MARS1: variants seen among roughly 807,000 people sequenced by gnomAD.
MARS1 encodes methionine--tRNA ligase, cytoplasmic.
A neutral mutation model predicts 119.5 loss-of-function variants in MARS1; 80 were observed. That is an observed-to-expected ratio of 0.67 (90% CI 0.56 to 0.81). The LOEUF is 0.81. MARS1 is among the 30% of genes least tolerant of loss of function. The pLI is 0.00. For missense variants in MARS1, 945 were observed against 1,116.5 expected (o/e 0.85, Z 2.19); for synonymous variants, 418 against 433.4 (o/e 0.96, Z 0.44).
At chr12:57,489,584 T>G in intron 4 of MARS1, 26 bp downstream of exon 4, 1 of 1,613,764 alleles carries the variant, frequency 6.2e-7, no homozygotes, top group Non-Finnish European at 8.5e-7. Flanking sequence ...AGATGAGGAC[T>G]GGGGAAGGCT....
chr12:57,504,735 C>T (rs1001815426), intron 11 of MARS1, among the ~76,000 whole-genome samples: 3 of 132,246 alleles, frequency 2.3e-5, no homozygotes, highest in African/African-American at 8.5e-5. Flanking sequence ...CAGAGTTTCG[C>T]TCTTGTCGCC....
chr12:57,512,138 G>C, intron 13 of MARS1, 35 bp downstream of exon 13: 1 of 1,606,814 alleles, frequency 6.2e-7, no homozygotes, highest in Non-Finnish European at 8.5e-7. Context: ...GCATGGGGAG[G>C]GTAGGCGGTA....
At chr12:57,494,007 G>C (rs1430379383) in intron 7 of MARS1, among the ~76,000 whole-genome samples, 1 of 131,544 alleles carries the variant, frequency 7.6e-6, no homozygotes, top group Admixed American at 9.0e-5. Flanking sequence ...CCAGTCTGGA[G>C]TGCAGTGGCG....
In MARS1 at chr12:57,512,765, G is replaced by A. The variant is rs546532280; in HGVS notation, c.1768G>A (p.Glu590Lys). 6.2e-7 allele frequency: 1 copy of A among 1,614,070 alleles called. No homozygotes were observed. The change falls in exon 15 of 21, where the codon GAG becomes AAG. Residue 590 changes from glutamate (E) to lysine (K), a missense_variant. Physicochemically the swap from Glu to Lys is moderately conservative, Grantham distance 56. Transcript: ENST00000262027. The stretch of plus-strand genomic sequence containing the variant: ...CCTCTGTCCAGAGTACCTGAACTAT[G>A]AGGATGGGAAATTCTCTAAGAGCCG... The part of the protein sequence containing the change: ...HLIATEYLNY[E>K]DGKFSKSRGV...
chr12:57,489,586 G>A (rs1329078795), intron 4 of MARS1, 28 bp downstream of exon 4: 2 of 1,613,572 alleles, frequency 1.2e-6, no homozygotes, highest in Non-Finnish European at 1.7e-6. Context: ...ATGAGGACTG[G>A]GGAAGGCTTA....
intron 7 of MARS1, among the ~76,000 whole-genome samples, chr12:57,491,254 C>G (rs1170704907): frequency 6.6e-6 from 1 of 152,098 alleles, no homozygotes; most frequent in African/African-American, 2.4e-5. Flanking sequence ...ATTCTGAACT[C>G]CAGACACATT....
At chr12:57,509,571 TA>T (rs1382202146) in intron 11 of MARS1, among the ~76,000 whole-genome samples, 1 of 152,128 alleles carries the variant, frequency 6.6e-6, no homozygotes, top group African/African-American at 2.4e-5. Flanking sequence ...CACACCCAGC[TA>T]ATTTTTTTTG....
intron 9 of MARS1, among the ~76,000 whole-genome samples, chr12:57,499,735 C>T (rs1876830047): frequency 6.6e-6 from 1 of 151,660 alleles, no homozygotes; most frequent in Non-Finnish European, 1.5e-5. Flanking sequence ...CCCATCTCTA[C>T]TAAGAATACA....
At chr12:57,491,627 G>C (rs1183297253) in intron 7 of MARS1, among the ~76,000 whole-genome samples, 1 of 152,118 alleles carries the variant, frequency 6.6e-6, no homozygotes, top group Admixed American at 6.5e-5. Context: ...CAGAGTGACT[G>C]CTTAAAACTG....
rs771606466 is a variant in MARS1 at position 57,516,431 on chromosome 12, T to C, written c.2557-4T>C. On this transcript the variant is annotated splice_region_variant and splice_polypyrimidine_tract_variant and intron_variant, in intron 20 of 20. Coordinates refer to ENST00000262027, the MANE Select transcript of MARS1 (RefSeq NM_004990.4). ...TGTTACCTCCCCACCCCCCTTTATC[T>C]TAGGGAAACATTGTCCGAGAACTGA... The C allele has an allele frequency of 3.7e-6, 6 of 1,612,900 alleles. No homozygotes were observed. The Admixed American group carries it at 5.0e-5, about 13-fold the overall frequency.
chr12:57,510,421 T>C (rs993772482), intron 11 of MARS1, among the ~76,000 whole-genome samples: 2 of 150,936 alleles, frequency 1.3e-5, no homozygotes, highest in African/African-American at 4.9e-5. Flanking sequence ...TGCAGTGAGC[T>C]GAGATCGTGC....
At position 57,489,271 on chromosome 12, in the gene MARS1, T is replaced by A. The variant is rs116975692; in HGVS notation, c.205T>A (p.Phe69Ile). The A allele has an allele frequency of 6.2e-7, 1 of 1,613,086 alleles. No homozygotes were observed. The highest frequency in any genetic ancestry group is 2.2e-5 in the East Asian group (1 of 44,886). Residue 69 changes from phenylalanine to isoleucine, a missense_variant, in exon 3 of 21, where the codon TTT (phenylalanine) becomes ATT (isoleucine). Physicochemically the swap from Phe to Ile is conservative, Grantham distance 21. Transcript: ENST00000262027. ...TGTTGCTCTCTCTCTGGGCAGATAT[T>A]TTTTTTTGTTATCTGGCTGGGAGCA... is the stretch of plus-strand genomic sequence containing the variant. ...LFSTSAICRY[F>I]FLLSGWEQDD...
Position 57,511,821 on chromosome 12 carries a change from G to T in MARS1, c.1492G>T (p.Asp498Tyr). 6.2e-7 allele frequency: 1 copy of T among 1,614,234 alleles called. No individual in the cohort carries two copies. Among genetic ancestry groups the T allele is most frequent in the East Asian group, 2.2e-5 (1 of 44,888 alleles). The change falls in exon 12 of 21, where the codon GAC becomes TAC. Residue 498 changes from aspartate to tyrosine, a missense_variant. Transcript: ENST00000262027. Reference sequence around the variant, plus strand: ...CCTCAAGCCACGCTGCATAACCCGAGACCTCAAATGGGGAACCCCTGTACC... The same window carrying T: ...CCTCAAGCCACGCTGCATAACCCGATACCTCAAATGGGGAACCCCTGTACC... ...DGLKPRCITRDLKWGTPVPLE... is the reference protein window; with the variant it reads ...DGLKPRCITRYLKWGTPVPLE...
chr12:57,501,425 C>G (rs766443530), intron 10 of MARS1, among the ~76,000 whole-genome samples: 1 of 152,200 alleles, frequency 6.6e-6, no homozygotes, highest in Non-Finnish European at 1.5e-5. Flanking sequence ...TGGCTCATAC[C>G]TATAATCCCA....
intron 10 of MARS1, among the ~76,000 whole-genome samples, chr12:57,501,735 T>C (rs962669943): frequency 6.6e-6 from 1 of 151,676 alleles, no homozygotes; most frequent in African/African-American, 2.4e-5. Context: ...AGCTTGAGAA[T>C]CACTTGAACC....
At chr12:57,494,596 G>T (rs1456170996) in intron 7 of MARS1, among the ~76,000 whole-genome samples, 7 of 150,888 alleles carry the variant, frequency 4.6e-5, no homozygotes, top group African/African-American at 7.3e-5. Context: ...TGGAGGGAAG[G>T]TCAGCAGATA....
At position 57,493,806 on chromosome 12, in the gene MARS1, TA is replaced by T. The variant is rs1476027860; in HGVS notation, c.770+3164del. Among the ~76,000 whole-genome samples, 3 of 1,262 alleles carry T rather than the reference TA, an allele frequency of 2.4e-3. 1 individual carries two copies. Among genetic ancestry groups the T allele is most frequent in the African/African-American group, 1.4e-3 (1 of 700 alleles). 0.8% of individuals were successfully genotyped at this position (1,262 alleles called of 152,430 possible). ...ATTATATATTATATATTATATTATATAATGTATATTATATATATTATATTAT... is the reference window on the plus strand; with the variant it reads ...ATTATATATTATATATTATATTATATATGTATATTATATATATTATATTAT... On this transcript the variant is annotated intron_variant, in intron 7 of 20. Coordinates refer to ENST00000262027, the MANE Select transcript of MARS1 (RefSeq NM_004990.4).
chr12:57,509,999 G>A (rs972060719), intron 11 of MARS1, among the ~76,000 whole-genome samples: 2 of 152,118 alleles, frequency 1.3e-5, no homozygotes, highest in Admixed American at 1.3e-4. Context: ...AGGGTATATA[G>A]CCAAGTGTGT....
At position 57,498,565 on chromosome 12, in the gene MARS1, C is replaced by T. The variant is rs772759631; in HGVS notation, c.1033C>T (p.Arg345Cys). The T allele has an allele frequency of 2.1e-4, 342 of 1,614,068 alleles. No individual in the cohort carries two copies. The highest frequency in any genetic ancestry group is 2.7e-4 in the Non-Finnish European group (320 of 1,180,038). ...CCACATCATCCATGCTGACATCTAC[C>T]GCTGGTTTAACATTTCGTTTGATAT... ...KYHIIHADIY[R>C]WFNISFDIFG... is the part of the protein sequence containing the mutation. The change falls in exon 9 of 21, where the codon CGC becomes TGC. Residue 345 changes from arginine (R) to cysteine (C), a missense_variant. Coordinates refer to ENST00000262027, the MANE Select transcript of MARS1 (RefSeq NM_004990.4).
Sources: allele counts gnomAD v4.1 joint callset (sites outside exome capture counted in the v4.1 genomes callset), GRCh38; gene constraint gnomAD v4.1.1; transcripts MANE v1.5; gene names NCBI Gene and HGNC (gene_info 2026-07-23, HGNC 2026-07-21).